The following COL19A1 variants were observed in gnomAD, a reference collection of about 807,000 sequenced individuals.
COL19A1 encodes the protein collagen alpha-1(XIX) chain.
In COL19A1, 159 loss-of-function variants were observed where a neutral mutation model predicts 190.2. The ratio of observed to expected loss-of-function variants is 0.84; its 90% CI spans 0.73 to 0.95. The LOEUF (loss-of-function observed/expected upper bound fraction) is 0.95, where lower values mean the gene tolerates loss of function less well. COL19A1 is among the 40% of genes least tolerant of loss of function. The pLI is 0.00. For synonymous variants in COL19A1, 509 were observed against 458.9 expected (o/e 1.11, Z -1.39); for missense variants, 1,418 against 1,431.9 (o/e 0.99, Z 0.16).
intron 10 of COL19A1, 128 bp downstream of exon 10, chr6:69,960,168 A>T: frequency 1.1e-6 from 1 of 892,234 alleles, no homozygotes; most frequent in South Asian, 1.8e-5. Flanking sequence ...AAAGCTATGG[A>T]TGTCTTTTCA....
intron 2 of COL19A1, among the ~76,000 whole-genome samples, chr6:69,883,418 G>T (rs191010358): frequency 3.3e-5 from 5 of 152,304 alleles, no homozygotes; most frequent in African/African-American, 1.2e-4. Context: ...GGACAGGCAG[G>T]CTTCTGAATG....
chr6:69,948,520 T>A (rs1158040011), intron 9 of COL19A1, among the ~76,000 whole-genome samples: 2 of 151,808 alleles, frequency 1.3e-5, no homozygotes, highest in Non-Finnish European at 2.9e-5. Flanking sequence ...AAGGACTAGA[T>A]GAAGCATTCA....
intron 15 of COL19A1, among the ~76,000 whole-genome samples, chr6:70,087,631 A>G (rs1399372043): frequency 6.6e-6 from 1 of 152,186 alleles, no homozygotes; most frequent in Admixed American, 6.5e-5. Flanking sequence ...TGTTCATTTC[A>G]TTTAGAAACA....
At chr6:69,879,478 A>G in intron 1 of COL19A1, 58 bp from the exon 2 acceptor site, 1 of 895,850 alleles carries the variant, frequency 1.1e-6, no homozygotes, top group Non-Finnish European at 1.8e-6. Flanking sequence ...TTTTCTGGAG[A>G]TGTTGAAAGG....
intron 4 of COL19A1, among the ~76,000 whole-genome samples, chr6:69,902,258 T>C (rs1343463408): frequency 6.6e-6 from 1 of 152,226 alleles, no homozygotes; most frequent in Non-Finnish European, 1.5e-5. Context: ...TATATATTTG[T>C]AAATAAGCTG....
intron 49 of COL19A1, among the ~76,000 whole-genome samples, chr6:70,200,376 C>T (rs1767474047): frequency 6.6e-6 from 1 of 152,130 alleles, no homozygotes; most frequent in Non-Finnish European, 1.5e-5. Context: ...ATTAATCTGA[C>T]AAGGCCATTT....
chr6:69,920,180 A>T (rs1227537930), intron 4 of COL19A1, among the ~76,000 whole-genome samples: 3 of 152,216 alleles, frequency 2.0e-5, no homozygotes, highest in Non-Finnish European at 2.9e-5. Flanking sequence ...AAACATTTTA[A>T]TGTTAAGATT....
At chr6:70,075,733 C>A (rs997498060) in intron 15 of COL19A1, among the ~76,000 whole-genome samples, 1 of 151,554 alleles carries the variant, frequency 6.6e-6, no homozygotes. Flanking sequence ...CTCTGCAGTG[C>A]ACTTGAGATA....
At chr6:69,889,154 G>C (rs778352808) in intron 2 of COL19A1, among the ~76,000 whole-genome samples, 4 of 152,170 alleles carry the variant, frequency 2.6e-5, no homozygotes, top group Non-Finnish European at 5.9e-5. Context: ...GAACTGCCAT[G>C]AGCTTTGTCA....
chr6:70,009,546 G>T (rs537452211), intron 11 of COL19A1, among the ~76,000 whole-genome samples: 1 of 152,064 alleles, frequency 6.6e-6, no homozygotes, highest in Admixed American at 6.5e-5. Flanking sequence ...ATAGATTCAA[G>T]GAAATCTCAA....
intron 11 of COL19A1, among the ~76,000 whole-genome samples, chr6:70,003,879 T>G (rs1777442243): frequency 6.6e-6 from 1 of 152,188 alleles, no homozygotes; most frequent in Admixed American, 6.5e-5. Context: ...ACATTTAACG[T>G]TAGTATTGTT....
At chr6:70,096,084 AT>A (rs70987498) in intron 15 of COL19A1, among the ~76,000 whole-genome samples, 163 of 141,198 alleles carry the variant, frequency 1.2e-3, no homozygotes, top group Admixed American at 1.1e-3. Context: ...CGGTAACTCT[AT>A]TTTTTTTTTT....
At chr6:69,987,624 CA>C (rs1025595627) in intron 11 of COL19A1, among the ~76,000 whole-genome samples, 5 of 152,140 alleles carry the variant, frequency 3.3e-5, no homozygotes, top group African/African-American at 1.2e-4. Context: ...AAGACATAAG[CA>C]CCACCGTTTG....
chr6:69,922,871 A>G (rs1473735896), intron 4 of COL19A1, among the ~76,000 whole-genome samples: 4 of 152,108 alleles, frequency 2.6e-5, no homozygotes, highest in Non-Finnish European at 5.9e-5. Context: ...TCACTCATTC[A>G]ACAGATAAAG....
intron 15 of COL19A1, among the ~76,000 whole-genome samples, chr6:70,073,353 C>A (rs1213938656): frequency 6.6e-6 from 1 of 152,056 alleles, no homozygotes; most frequent in African/African-American, 2.4e-5. Context: ...GTGAATTCCT[C>A]AGCCACTCTG....
intron 20 of COL19A1, among the ~76,000 whole-genome samples, 194 bp downstream of exon 20, chr6:70,141,183 C>T (rs1408905395): frequency 6.6e-6 from 1 of 151,992 alleles, no homozygotes; most frequent in Non-Finnish European, 1.5e-5. Flanking sequence ...TAACTGTTGT[C>T]ATGCAAGGAG....
intron 11 of COL19A1, among the ~76,000 whole-genome samples, chr6:69,976,326 T>C (rs1199959548): frequency 2.6e-5 from 4 of 152,244 alleles, no homozygotes; most frequent in Non-Finnish European, 5.9e-5. Flanking sequence ...ATGCCGACTA[T>C]AATCCAATAT....
intron 19 of COL19A1, among the ~76,000 whole-genome samples, chr6:70,138,537 C>G (rs1231485609): frequency 6.6e-6 from 1 of 152,134 alleles, no homozygotes; most frequent in Non-Finnish European, 1.5e-5. Flanking sequence ...TTAAACCACT[C>G]TACCCCTTTC....
chr6:70,105,660 T>C (rs550880147), intron 16 of COL19A1, among the ~76,000 whole-genome samples: 2 of 152,302 alleles, frequency 1.3e-5, no homozygotes, highest in South Asian at 4.1e-4. Flanking sequence ...TCTTACTTTA[T>C]AGCAAGAAGG....
Sources: allele counts gnomAD v4.1 joint callset (sites outside exome capture counted in the v4.1 genomes callset), GRCh38; gene constraint gnomAD v4.1.1; transcripts MANE v1.5; gene names NCBI Gene and HGNC (gene_info 2026-07-23, HGNC 2026-07-21).